Variants in TRMT11 observed in about 807,000 individuals in gnomAD.
TRMT11 encodes tRNA (guanine(10)-N(2))-methyltransferase TRMT11.
A neutral mutation model predicts 62.8 loss-of-function variants in TRMT11; 53 were observed. The observed-to-expected ratio is 0.84, with a 90% CI of 0.68 to 1.06. The LOEUF is 1.06. TRMT11 is among the 50% of genes least tolerant of loss of function. TRMT11 has a pLI of 0.00. For synonymous variants in TRMT11, 188 were observed against 190.3 expected, an observed-to-expected ratio of 0.99 and a Z score of 0.10; for missense variants, 556 against 553.4, an observed-to-expected ratio of 1.00 and a Z score of -0.05.
At chr6:126,156,243 A>G (rs1270123437) in intron 21 of TRMT11, among the ~76,000 whole-genome samples, 3 of 152,064 alleles carry the variant, frequency 2.0e-5, no homozygotes, top group Non-Finnish European at 2.9e-5. Context: ...TGACTCTACT[A>G]TTCTCCGGTC....
chr6:126,154,325 A>ATGTG (rs752384256), intron 21 of TRMT11, among the ~76,000 whole-genome samples: 163 of 148,158 alleles, frequency 1.1e-3, no homozygotes, highest in African/African-American at 3.1e-3. Flanking sequence ...TAATAAAGAT[A>ATGTG]TGTGTGTGTG....
At chr6:126,257,796 G>T in the TRMT11 span, 1 of 653,014 alleles carries the variant, frequency 1.5e-6, no homozygotes, top group Non-Finnish European at 2.6e-6. Context: ...GAAAACGAAG[G>T]GGGCAGGGGA....
intron 1 of TRMT11, 84 bp from the exon 2 acceptor site, chr6:125,993,673 T>C: frequency 1.3e-6 from 1 of 755,370 alleles, no homozygotes; most frequent in Non-Finnish European, 2.2e-6. Flanking sequence ...TCTTATTTTT[T>C]AGTCATGTAA....
intron 17 of TRMT11, among the ~76,000 whole-genome samples, chr6:126,094,653 C>G (rs1434878101): frequency 6.6e-6 from 1 of 152,184 alleles, no homozygotes; most frequent in African/African-American, 2.4e-5. Context: ...TCGTCTAGGC[C>G]TGGCCTGAGT....
intron 17 of TRMT11, among the ~76,000 whole-genome samples, chr6:126,080,166 A>C (rs1489904030): frequency 6.6e-6 from 1 of 152,064 alleles, no homozygotes; most frequent in African/African-American, 2.4e-5. Context: ...CAGTGGCGTG[A>C]TCATAGCTCA....
chr6:125,998,387 C>A, intron 5 of TRMT11, 72 bp downstream of exon 5: 3 of 1,266,606 alleles, frequency 2.4e-6, no homozygotes, highest in African/African-American at 1.5e-5. Context: ...TATAGGAATA[C>A]CTAATGTCTG....
intron 16 of TRMT11, among the ~76,000 whole-genome samples, chr6:126,050,901 T>C (rs1439531971): frequency 5.3e-5 from 8 of 152,162 alleles, no homozygotes; most frequent in Admixed American, 1.3e-4. Flanking sequence ...GGGTCAAAGA[T>C]TAGAAATGAT....
chr6:126,083,843 T>C (rs1038056306), intron 17 of TRMT11, among the ~76,000 whole-genome samples: 1 of 152,186 alleles, frequency 6.6e-6, no homozygotes, highest in Non-Finnish European at 1.5e-5. Context: ...TTTAAAAATA[T>C]TGCACATATA....
intron 21 of TRMT11, among the ~76,000 whole-genome samples, chr6:126,119,634 A>G (rs138884822): frequency 1.3e-5 from 2 of 152,116 alleles, no homozygotes; most frequent in African/African-American, 4.8e-5. Context: ...TGAGGACTCA[A>G]ATATGCCTGT....
At chr6:126,176,448 A>G (rs540375592), upstream of TRMT11, among the ~76,000 whole-genome samples, 1 of 152,216 alleles carries the variant, frequency 6.6e-6, no homozygotes, top group East Asian at 1.9e-4. Context: ...AACTAATCCA[A>G]CTGACCACTT....
At chr6:126,151,935 CTTTCTTTCT>C (rs1562334977) in intron 21 of TRMT11, among the ~76,000 whole-genome samples, 2 of 94,760 alleles carry the variant, frequency 2.1e-5, no homozygotes, top group African/African-American at 1.0e-4. Context: ...TTCTTTCTTT[CTTTCTTTCT>C]TTTCTTTCTT....
intron 17 of TRMT11, among the ~76,000 whole-genome samples, chr6:126,090,750 CT>C (rs1302864793): frequency 3.3e-5 from 5 of 152,138 alleles, no homozygotes; most frequent in African/African-American, 1.2e-4. Context: ...ATTTCCATGA[CT>C]GAAATAACCA....
intron 17 of TRMT11, among the ~76,000 whole-genome samples, chr6:126,087,852 G>A (rs1777232037): frequency 1.3e-5 from 2 of 152,234 alleles, no homozygotes; most frequent in Non-Finnish European, 2.9e-5. Context: ...CAAGACCTTA[G>A]TTTTCCCAAG....
chr6:126,094,807 A>G (rs975769772), intron 17 of TRMT11, among the ~76,000 whole-genome samples: 1 of 152,192 alleles, frequency 6.6e-6, no homozygotes, highest in Non-Finnish European at 1.5e-5. Context: ...TTAATCAAGT[A>G]TATTATGTGG....
chr6:126,121,776 A>G (rs558994748), intron 21 of TRMT11, among the ~76,000 whole-genome samples: 7 of 152,204 alleles, frequency 4.6e-5, no homozygotes, highest in Admixed American at 2.0e-4. Context: ...TCAGGGTTAT[A>G]TCCCCTAGAC....
chr6:126,008,244 G>C (rs962544223), intron 7 of TRMT11, 148 bp from the exon 8 acceptor site: 16 of 720,410 alleles, frequency 2.2e-5, no homozygotes, highest in Non-Finnish European at 3.7e-5. Context: ...TGTTTTTTCA[G>C]TCCTGAGGCT....
intron 17 of TRMT11, among the ~76,000 whole-genome samples, chr6:126,064,298 T>C (rs75126875): frequency 1.3e-3 from 198 of 152,274 alleles, no homozygotes; most frequent in African/African-American, 4.5e-3. Context: ...GCCTGTGAGA[T>C]GACCGATACC....
chr6:126,193,490 ATTTTTTT>A (rs60064329), intron 1 of TRMT11, among the ~76,000 whole-genome samples: 66 of 73,286 alleles, frequency 9.0e-4, no homozygotes, highest in Admixed American at 2.3e-3. Flanking sequence ...GCGTTTCTGT[ATTTTTTT>A]TTTTTTTTTT....
rs1777981451 is a variant in TRMT11 at position 126,146,900 on chromosome 6, A to G, written c.*1824-27925A>G. On this transcript the variant is annotated intron_variant and NMD_transcript_variant, in intron 21 of 22. Coordinates refer to the TRMT11 transcript ENST00000648977. The stretch of plus-strand genomic sequence containing the variant: ...AAATTATTTATATTGTTTCTACTAA[A>G]AGTGATTATTAGACATAATGTCAAG... 7.8e-5 allele frequency among the ~76,000 whole-genome samples: 3 copies of G among 38,688 alleles called. 1 individual carries two copies. Among genetic ancestry groups the G allele is most frequent in the African/African-American group, 3.7e-4 (3 of 8,136 alleles). The allele number at this position is 38,688 out of a possible 152,430, so 25.4% of individuals were successfully genotyped here.
Sources: gnomAD v4.1 joint callset for allele counts (sites outside exome capture counted in the v4.1 genomes callset) on GRCh38, gnomAD v4.1.1 for gene constraint, MANE v1.5 for transcripts, NCBI Gene and HGNC (gene_info 2026-07-23, HGNC 2026-07-21) for gene names.